Variants in NR4A3 observed in about 807,000 individuals in gnomAD.
NR4A3 encodes the protein chondrosarcoma, extraskeletal myxoid, fused to EWS.
NR4A3 carries 13 observed loss-of-function variants against 55.6 expected under a neutral mutation model. The observed-to-expected ratio is 0.23, with a 90% confidence interval of 0.15 to 0.37. The LOEUF is 0.37. Among genes scored for constraint, NR4A3 ranks in the 10% least tolerant of loss-of-function variants. The pLI is 1.00. For synonymous variants in NR4A3, 342 were observed against 357.9 expected (o/e 0.96, Z 0.50); for missense variants, 646 against 822.8 (o/e 0.79, Z 2.63).
At chr9:99,855,348 G>T (rs977651750) in intron 7 of NR4A3, among the ~76,000 whole-genome samples, 36 of 152,160 alleles carry the variant, frequency 2.4e-4, no homozygotes. Context: ...GGCCAATTGT[G>T]AGTATCAGAA....
intron 5 of NR4A3, among the ~76,000 whole-genome samples, chr9:99,835,435 G>A (rs1005772055): frequency 6.6e-6 from 1 of 152,164 alleles, no homozygotes; most frequent in African/African-American, 2.4e-5. Context: ...CTGCCTCTCT[G>A]GTTCCAGTGA....
At chr9:99,844,417 G>A (rs375437224) in intron 5 of NR4A3, among the ~76,000 whole-genome samples, 71 of 152,298 alleles carry the variant, frequency 4.7e-4, no homozygotes, top group East Asian at 1.5e-3. Context: ...TTGCCAATTC[G>A]GCTTAAGCAA....
intron 5 of NR4A3, among the ~76,000 whole-genome samples, chr9:99,840,379 T>G (rs549805599): frequency 4.1e-4 from 62 of 152,312 alleles, no homozygotes; most frequent in African/African-American, 1.5e-3. Flanking sequence ...TGAACAAATA[T>G]TGGAAGCAGA....
At chr9:99,824,359 C>T (rs1483564202) in intron 1 of NR4A3, among the ~76,000 whole-genome samples, 2 of 152,188 alleles carry the variant, frequency 1.3e-5, no homozygotes, top group Non-Finnish European at 2.9e-5. Flanking sequence ...GACGGGAATG[C>T]GGGCACCCAC....
chr9:99,832,861 A>G, intron 4 of NR4A3, 43 bp downstream of exon 4: 3 of 1,402,410 alleles, frequency 2.1e-6, no homozygotes, highest in Non-Finnish European at 2.8e-6. Context: ...TATACATATT[A>G]TCAGAAATCA....
intron 6 of NR4A3, among the ~76,000 whole-genome samples, chr9:99,845,686 G>C (rs912780073): frequency 3.3e-5 from 5 of 152,132 alleles, no homozygotes; most frequent in Non-Finnish European, 7.3e-5. Context: ...AATTTTTAAA[G>C]TGCAGATTGC....
chr9:99,832,156 G>A (rs561288917), intron 3 of NR4A3, among the ~76,000 whole-genome samples: 221 of 152,138 alleles, frequency 1.5e-3, no homozygotes, highest in African/African-American at 4.6e-3. Flanking sequence ...GATTAAGTTA[G>A]TTTTTTTGCA....
chr9:99,832,504 T>A (rs1476278339), intron 3 of NR4A3, among the ~76,000 whole-genome samples, 185 bp from the exon 4 acceptor site: 3 of 152,212 alleles, frequency 2.0e-5, no homozygotes, highest in Non-Finnish European at 4.4e-5. Flanking sequence ...CCGAGATGAT[T>A]TTCATTGTCA....
chr9:99,862,093 C>CAA (rs879732859), intron 7 of NR4A3, among the ~76,000 whole-genome samples: 5 of 135,722 alleles, frequency 3.7e-5, no homozygotes, highest in South Asian at 2.4e-4. Context: ...GACCATGACT[C>CAA]AAAAAAAAAA....
chr9:99,833,341 C>G lies in NR4A3; in HGVS notation c.1141C>G (p.Pro381Ala). 6.2e-7 allele frequency: 1 copy of G among 1,614,062 alleles called. No individual in the cohort carries two copies. Residue 381 changes from proline to alanine, a missense_variant, in exon 5 of 8, where the codon CCA becomes GCA. By Grantham distance (27) the Pro-to-Ala change is conservative. This residue lies in a region of NR4A3 where 44 missense variants were observed against 119.3 expected (regional missense o/e 0.37). Transcript: ENST00000395097. ...TCGTCTGCCTTCCAAACCAAAGAGC[C>G]CATTACAACAGGAACCTTCTCAGCC... ...RGRLPSKPKS[P>A]LQQEPSQPSP...
intron 7 of NR4A3, among the ~76,000 whole-genome samples, chr9:99,853,237 T>C (rs1827882988): frequency 6.6e-6 from 1 of 151,910 alleles, no homozygotes; most frequent in Non-Finnish European, 1.5e-5. Flanking sequence ...CACACTTCCA[T>C]GAAGAGCCAG....
intron 7 of NR4A3, among the ~76,000 whole-genome samples, chr9:99,863,286 G>C (rs555512633): frequency 1.3e-5 from 2 of 152,300 alleles, no homozygotes; most frequent in Admixed American, 6.5e-5. Context: ...CTGTGTGCCA[G>C]GAACTGTGCT....
rs377206986 is a variant in NR4A3, at chr9:99,834,737, C to T, written c.1254+1283C>T. 91 of 952,638 alleles carry T rather than the reference C, an allele frequency of 9.6e-5. No individual in the cohort carries two copies. The African/African-American group carries it at 1.5e-3, about 16-fold the overall frequency. 59.0% of individuals were successfully genotyped at this position (952,638 alleles called of 1,614,324 possible). A position where few individuals can be genotyped will look rare whatever the true frequency, so the allele number is the denominator to read the frequency against. On this transcript the variant is annotated intron_variant, in intron 5 of 7. Transcript: ENST00000395097. ...AAATGATTAGTGTACCTGCTGTGAT[C>T]CTCTTTCCCTCTTCCCCACCCTCAT...
chr9:99,849,665 C>CA (rs993809175), intron 7 of NR4A3, among the ~76,000 whole-genome samples: 1 of 152,094 alleles, frequency 6.6e-6, no homozygotes, highest in Admixed American at 6.5e-5. Context: ...AAGACAAAAA[C>CA]AAAAAACTAG....
chr9:99,833,566 T>C (rs1157276574), intron 5 of NR4A3, 112 bp downstream of exon 5: 2 of 1,609,002 alleles, frequency 1.2e-6, no homozygotes, highest in African/African-American at 2.7e-5. Context: ...TTAGACAGTT[T>C]TCATACTTTT....
intron 7 of NR4A3, among the ~76,000 whole-genome samples, chr9:99,857,526 C>T (rs1776562816): frequency 6.6e-6 from 1 of 152,102 alleles, no homozygotes; most frequent in African/African-American, 2.4e-5. Context: ...GTGGCTCACA[C>T]CTGTAATCCT....
chr9:99,850,684 G>A (rs192385174), intron 7 of NR4A3, among the ~76,000 whole-genome samples: 1 of 152,232 alleles, frequency 6.6e-6, no homozygotes, highest in African/African-American at 2.4e-5. Flanking sequence ...GGCGCTATTG[G>A]GGAACACATT....
Position 99,864,097 on chromosome 9 carries a change from T to TG in NR4A3, c.*234dup. 2.7e-6 allele frequency: 1 copy of TG among 370,114 alleles called. No individual in the cohort carries two copies. Among genetic ancestry groups the TG allele is most frequent in the Non-Finnish European group, 4.9e-6 (1 of 202,176 alleles). The allele number at this position is 370,114 out of a possible 1,614,324, so 22.9% of individuals were successfully genotyped here. ...TGTTTTATATTTAGGCATTGGGGGA[T>TG]GGGGTGGGAGGGGGTTATAGTTCAT... On this transcript the variant is annotated 3_prime_UTR_variant, in exon 8 of 8. Transcript: ENST00000395097.
chr9:99,822,077 T>G lies in NR4A3; in HGVS notation c.-507T>G, dbSNP rs1827189309. ...TCACACCCCTCTTGCCCTGAGCCCT[T>G]GCCGGTGCAGCGCGGCGCCGCAGCT... On this transcript the variant is annotated 5_prime_UTR_variant, in exon 1 of 8. Coordinates refer to ENST00000395097, the MANE Select transcript of NR4A3 (RefSeq NM_006981.4). The surrounding 1 kb of genome is among the most constrained non-coding windows in gnomAD (Gnocchi z 4.9). 6.6e-6 allele frequency: 1 copy of G among 152,448 alleles called. No individual in the cohort carries two copies. Among genetic ancestry groups the G allele is most frequent in the South Asian group, 2.1e-4 (1 of 4,836 alleles). The allele number at this position is 152,448 out of a possible 1,614,324, so 9.4% of individuals were successfully genotyped here.
Sources: gnomAD v4.1 joint callset for allele counts (sites outside exome capture counted in the v4.1 genomes callset) on GRCh38, gnomAD v4.1.1 for gene constraint, gnomAD v4.1.1 regional missense constraint, Gnocchi (gnomAD v3.1) non-coding constraint, MANE v1.5 for transcripts, NCBI Gene and HGNC (gene_info 2026-07-23, HGNC 2026-07-21) for gene names.